Variants in CNMD observed in about 807,000 individuals in gnomAD.
CNMD encodes the protein leukocyte cell-derived chemotaxin 1.
A neutral mutation model predicts 37.5 loss-of-function variants in CNMD; 30 were observed. The ratio of observed to expected loss-of-function variants is 0.80; its 90% CI spans 0.60 to 1.09. The LOEUF (loss-of-function observed/expected upper bound fraction) is 1.09, where lower values mean the gene tolerates loss of function less well. Ranked by LOEUF, CNMD falls within the 50% of genes least tolerant of loss-of-function variation. The probability of loss-of-function intolerance (pLI) is 0.00; values close to 1 mark genes in which losing one functional copy is unlikely to be tolerated. For synonymous variants in CNMD, 167 were observed against 148.2 expected (o/e 1.13, Z -0.92); for missense variants, 398 against 423.9 (o/e 0.94, Z 0.54).
intron 3 of CNMD, among the ~76,000 whole-genome samples, chr13:52,729,558 G>A (rs1178547937): frequency 1.3e-5 from 2 of 152,174 alleles, no homozygotes; most frequent in Admixed American, 6.5e-5. Context: ...CTGTGGCATT[G>A]ACAGTCATTC....
chr13:52,730,527 A>T (rs908611463), intron 3 of CNMD, among the ~76,000 whole-genome samples: 4 of 152,050 alleles, frequency 2.6e-5, no homozygotes, highest in Non-Finnish European at 5.9e-5. Flanking sequence ...AACTGGTGTG[A>T]GATGGTATCT....
chr13:52,736,094 C>T, intron 2 of CNMD, among the ~76,000 whole-genome samples: 1 of 151,256 alleles, frequency 6.6e-6, no homozygotes, highest in East Asian at 2.0e-4. Flanking sequence ...CCTGGGTTCA[C>T]ACCATTCTCC....
At position 52,739,248 on chromosome 13, in the gene CNMD, C is replaced by T; in HGVS notation, c.73-77G>A. 1.4e-6 allele frequency: 2 copies of T among 1,394,392 alleles called. No homozygotes were observed. Among genetic ancestry groups the T allele is most frequent in the Non-Finnish European group, 1.9e-6 (2 of 1,074,532 alleles). The allele number at this position is 1,394,392 out of a possible 1,614,324, so 86.4% of individuals were successfully genotyped here. ...CGGCCCCCAGCGCACCCGGGCCCCACGCGGTAGCCCCCAGGGAGTGGGGAG... is the reference window on the plus strand; with the variant it reads ...CGGCCCCCAGCGCACCCGGGCCCCATGCGGTAGCCCCCAGGGAGTGGGGAG... On this transcript the variant is annotated intron_variant, in intron 1 of 6. Coordinates refer to ENST00000377962, the MANE Select transcript of CNMD (RefSeq NM_007015.3). This position sits in a 1 kb window ranked among gnomAD's most constrained non-coding sequence, Gnocchi z 5.4.
chr13:52,721,178 T>G (rs1293196643), intron 4 of CNMD, among the ~76,000 whole-genome samples: 1 of 152,170 alleles, frequency 6.6e-6, no homozygotes, highest in African/African-American at 2.4e-5. Flanking sequence ...CCAGGTCGAC[T>G]TCAAACTGCT....
Position 52,739,772 on chromosome 13 carries a change from G to A in CNMD, c.-71C>T. 1 of 1,376,740 alleles carries A rather than the reference G, an allele frequency of 7.3e-7. No homozygotes were observed. 85.3% of individuals were successfully genotyped at this position (1,376,740 alleles called of 1,614,324 possible). ...CTGGGATCTGTCCCGCTGCCCCGAC[G>A]TGCAGGGCATTTCAACGCCGCGCGC... is the stretch of plus-strand genomic sequence containing the variant. On this transcript the variant is annotated 5_prime_UTR_variant, in exon 1 of 7. It adds an upstream start codon to the 5' untranslated region. Transcript: ENST00000377962. This position sits in a 1 kb window ranked among gnomAD's most constrained non-coding sequence, Gnocchi z 5.4.
rs534812181 is a variant in CNMD at position 52,724,728 on chromosome 13, C to T, written c.355-618G>A. ...CCTGGCCACCATGGTGAAACCTTGT[C>T]TCTACTAAAAATACAAAAATTAGCC... On this transcript the variant is annotated intron_variant, in intron 3 of 6. Transcript: ENST00000377962. Among the ~76,000 whole-genome samples, 12 of 150,944 alleles carry T rather than the reference C, an allele frequency of 7.9e-5. No individual in the cohort carries two copies. In the East Asian group the frequency reaches 2.2e-3, roughly 27 times the overall value.
intron 3 of CNMD, among the ~76,000 whole-genome samples, chr13:52,724,652 T>C (rs550974562): frequency 7.2e-5 from 11 of 151,930 alleles, no homozygotes; most frequent in Admixed American, 2.0e-4. Flanking sequence ...CCACCAGAAC[T>C]TTGGGAGGCC....
intron 6 of CNMD, among the ~76,000 whole-genome samples, chr13:52,704,183 AT>A (rs1964138322): frequency 6.6e-6 from 1 of 152,240 alleles, no homozygotes; most frequent in African/African-American, 2.4e-5. Context: ...GCCACTGCTA[AT>A]TCTAAGTCAG....
chr13:52,730,284 C>T (rs574882119), intron 3 of CNMD, among the ~76,000 whole-genome samples: 20 of 152,174 alleles, frequency 1.3e-4, no homozygotes, highest in African/African-American at 4.1e-4. Context: ...CATAAACATA[C>T]GTGTGCATGT....
At chr13:52,711,116 G>A (rs1964283503) in intron 5 of CNMD, among the ~76,000 whole-genome samples, 1 of 152,182 alleles carries the variant, frequency 6.6e-6, no homozygotes, top group African/African-American at 2.4e-5. Flanking sequence ...ATTCACGGAT[G>A]CACCTCAAAT....
chr13:52,716,403 T>C (rs569667756), intron 4 of CNMD, among the ~76,000 whole-genome samples: 1 of 152,344 alleles, frequency 6.6e-6, no homozygotes, highest in South Asian at 2.1e-4. Flanking sequence ...TTTTGGTATT[T>C]TAGTCATGAA....
intron 4 of CNMD, among the ~76,000 whole-genome samples, chr13:52,714,195 G>A (rs1388241455): frequency 6.6e-6 from 1 of 152,174 alleles, no homozygotes; most frequent in Non-Finnish European, 1.5e-5. Context: ...AAGTCAGGAA[G>A]AGGTTGAGCA....
At position 52,739,664 on chromosome 13, in the gene CNMD, A is replaced by T. The variant is rs778030442; in HGVS notation, c.38T>A (p.Val13Glu). 2 of 1,614,016 alleles carry T rather than the reference A, an allele frequency of 1.2e-6. No homozygotes were observed. The highest frequency in any genetic ancestry group is 2.7e-5 in the African/African-American group (2 of 74,924). ...ENSDKVPIAL[V>E]GPDDVEFCSP... ...GCAGAATTCCACGTCATCAGGTCCCACCAGGGCAATGGGAACTTTGTCGGA... is the reference window on the plus strand; with the variant it reads ...GCAGAATTCCACGTCATCAGGTCCCTCCAGGGCAATGGGAACTTTGTCGGA... The change falls in exon 1 of 7, where the codon GTG becomes GAG. Residue 13 changes from valine to glutamate, a missense_variant. Coordinates refer to ENST00000377962, the MANE Select transcript of CNMD (RefSeq NM_007015.3). This position sits in a 1 kb window ranked among gnomAD's most constrained non-coding sequence, Gnocchi z 5.4.
intron 5 of CNMD, among the ~76,000 whole-genome samples, chr13:52,709,880 G>A (rs1232161607): frequency 6.6e-6 from 1 of 152,200 alleles, no homozygotes; most frequent in Non-Finnish European, 1.5e-5. Flanking sequence ...GGCTGAGACA[G>A]GAGAATCGCT....
Position 52,708,658 on chromosome 13 carries a change from T to C in CNMD, c.667A>G (p.Thr223Ala), listed in dbSNP as rs756452007. 1.1e-5 allele frequency: 17 copies of C among 1,611,594 alleles called. No homozygotes were observed. Among genetic ancestry groups the C allele is most frequent in the East Asian group, 8.9e-5 (4 of 44,860 alleles). Reference protein sequence around the residue: ...RREVVRKIVPTTTKRPHSGPR... With the variant: ...RREVVRKIVPATTKRPHSGPR... ...CCACTGTGTGGTCTTTTTGTGGTAG[T>C]TGGAACAATTTTTCTTACCACTTCT... Residue 223 changes from threonine (T) to alanine (A), a missense_variant, in exon 6 of 7, where the codon ACT becomes GCT. By Grantham distance (58) the Thr-to-Ala change is moderately conservative (BLOSUM62 0). Coordinates refer to ENST00000377962, the MANE Select transcript of CNMD (RefSeq NM_007015.3).
At chr13:52,735,682 T>TAAA (rs138863152) in intron 2 of CNMD, among the ~76,000 whole-genome samples, 2 of 142,752 alleles carry the variant, frequency 1.4e-5, no homozygotes, top group African/African-American at 5.2e-5. Context: ...AAAAAAAATC[T>TAAA]AAAAAAAAAA....
At chr13:52,707,787 T>G (rs1964210459) in intron 6 of CNMD, among the ~76,000 whole-genome samples, 2 of 152,184 alleles carry the variant, frequency 1.3e-5, no homozygotes, top group South Asian at 4.1e-4. Context: ...AGGTAATGCT[T>G]AAGTGTTCTT....
In CNMD at chr13:52,739,169, C is replaced by A; in HGVS notation, c.75G>T (p.Ala25=). The change falls in exon 2 of 7, where the codon GCG becomes GCT. Residue 25 remains alanine, a splice_region_variant and synonymous_variant. Transcript: ENST00000377962. The surrounding 1 kb of genome is among the most constrained non-coding windows in gnomAD (Gnocchi z 5.4). ...AGGGCTTCACCGTCAGCGTAGCGTA[C>A]GCCTGCGGGCCGGGGCGGGAGAGGG... ...PDDVEFCSPP[A]YATLTVKPSS... is the part of the protein sequence containing the mutation. 3 of 1,488,694 alleles carry A rather than the reference C, an allele frequency of 2.0e-6. No homozygotes were observed. The highest frequency in any genetic ancestry group is 2.7e-6 in the Non-Finnish European group (3 of 1,125,786). The allele number at this position is 1,488,694 out of a possible 1,614,324, so 92.2% of individuals were successfully genotyped here.
intron 5 of CNMD, among the ~76,000 whole-genome samples, chr13:52,711,661 G>A (rs1342705620): frequency 6.6e-6 from 1 of 152,142 alleles, no homozygotes; most frequent in African/African-American, 2.4e-5. Flanking sequence ...TAAGTTAGTC[G>A]TGGCAGATCA....
Sources: gnomAD v4.1 joint callset for allele counts (sites outside exome capture counted in the v4.1 genomes callset) on GRCh38, gnomAD v4.1.1 for gene constraint, Gnocchi (gnomAD v3.1) non-coding constraint, MANE v1.5 for transcripts, NCBI Gene and HGNC (gene_info 2026-07-23, HGNC 2026-07-21) for gene names.